Variants in TRAPPC3L observed in about 807,000 individuals in gnomAD.
TRAPPC3L encodes the protein trafficking protein particle complex subunit 3-like protein.
Under a neutral mutation model 23.7 loss-of-function variants are expected in TRAPPC3L, and 23 were observed. That is an observed-to-expected ratio of 0.97 (90% CI 0.70 to 1.37). The LOEUF (loss-of-function observed/expected upper bound fraction) is 1.37, where lower values mean the gene tolerates loss of function less well. TRAPPC3L is among the 40% of genes most tolerant of loss of function. The probability of loss-of-function intolerance (pLI) is 0.00; values close to 1 mark genes in which losing one functional copy is unlikely to be tolerated. For missense variants in TRAPPC3L, 212 were observed against 216.8 expected (o/e 0.98, Z 0.14); for synonymous variants, 81 against 77.9 (o/e 1.04, Z -0.21).
chr6:116,506,601 C>T (rs980558521), intron 3 of TRAPPC3L, among the ~76,000 whole-genome samples: 7 of 152,192 alleles, frequency 4.6e-5, no homozygotes, highest in African/African-American at 1.7e-4. Context: ...ATAGCAAAGA[C>T]TTGGAACCAA....
intron 3 of TRAPPC3L, among the ~76,000 whole-genome samples, chr6:116,527,726 T>C (rs1295884496): frequency 6.6e-6 from 1 of 152,028 alleles, no homozygotes; most frequent in African/African-American, 2.4e-5. Flanking sequence ...ACAGCAGAAA[T>C]AAAACCAATA....
intron 3 of TRAPPC3L, among the ~76,000 whole-genome samples, chr6:116,529,394 AG>A (rs1772559885): frequency 6.6e-6 from 1 of 152,184 alleles, no homozygotes; most frequent in Non-Finnish European, 1.5e-5. Context: ...TAACTAACAG[AG>A]TCACAACTGT....
intron 3 of TRAPPC3L, among the ~76,000 whole-genome samples, chr6:116,534,108 GTT>G (rs34484876): frequency 1.3e-5 from 2 of 149,996 alleles, no homozygotes; most frequent in South Asian, 2.1e-4. Context: ...TCTGTAGTGC[GTT>G]TTTTTTTTCC....
In TRAPPC3L at chr6:116,511,994, C is replaced by G; in HGVS notation, c.241-11328G>C. 6.2e-7 allele frequency: 1 copy of G among 1,614,038 alleles called. No homozygotes were observed. Among genetic ancestry groups the G allele is most frequent in the Non-Finnish European group, 8.5e-7 (1 of 1,180,000 alleles). ...CCACAGCTGCCGTTTCTTCTACGTC[C>G]TCGGCCAGATCACTCTGAGCTCATT... On this transcript the variant is annotated intron_variant, in intron 3 of 4. Transcript: ENST00000368602.
intron 3 of TRAPPC3L, among the ~76,000 whole-genome samples, chr6:116,535,133 A>C (rs186446147): frequency 6.8e-4 from 104 of 152,348 alleles, no homozygotes; most frequent in African/African-American, 2.5e-3. Context: ...AGCTACATTC[A>C]CCACACTCAG....
intron 3 of TRAPPC3L, among the ~76,000 whole-genome samples, chr6:116,527,999 A>G (rs1217927439): frequency 6.6e-6 from 1 of 152,256 alleles, no homozygotes; most frequent in East Asian, 1.9e-4. Context: ...TTTTAGTAAT[A>G]GAGCAAAAAT....
chr6:116,500,062 C>T (rs890694793), intron 4 of TRAPPC3L, among the ~76,000 whole-genome samples: 7 of 152,158 alleles, frequency 4.6e-5, no homozygotes, highest in African/African-American at 1.7e-4. Flanking sequence ...GCATAAGTGG[C>T]CATGTTGTGA....
chr6:116,543,995 G>C, intron 1 of TRAPPC3L: 1 of 845,590 alleles, frequency 1.2e-6, no homozygotes, highest in Non-Finnish European at 1.8e-6. Context: ...AGACAATTTA[G>C]GTTTGGCTTA....
At chr6:116,508,679 A>G (rs1772050587) in intron 3 of TRAPPC3L, among the ~76,000 whole-genome samples, 1 of 152,152 alleles carries the variant, frequency 6.6e-6, no homozygotes. Context: ...ACATATCCCA[A>G]ATCCTAAAAT....
intron 3 of TRAPPC3L, among the ~76,000 whole-genome samples, chr6:116,531,050 C>G (rs886622796): frequency 6.6e-5 from 10 of 151,700 alleles, no homozygotes; most frequent in Non-Finnish European, 1.2e-4. Flanking sequence ...TCCTGAGGGG[C>G]TCCCTATGAT....
chr6:116,543,484 G>GA lies in TRAPPC3L; in HGVS notation c.43-85dup, dbSNP rs914871862. On this transcript the variant is annotated intron_variant, in intron 1 of 4. Transcript: ENST00000368602. ...TTCTTTTGTTTATAAAATCTGGTTT[G>GA]AAGTAGCCTTAGAAGTCACCTGTAC... 1.4e-4 allele frequency: 163 copies of GA among 1,176,066 alleles called. No homozygotes were observed. The African/African-American group carries it at 2.3e-3, about 16-fold the overall frequency. 72.9% of individuals were successfully genotyped at this position (1,176,066 alleles called of 1,614,324 possible).
At chr6:116,516,650 AG>A (rs1772230210) in intron 3 of TRAPPC3L, 1 of 139,414 alleles carries the variant, frequency 7.2e-6, no homozygotes, top group East Asian at 2.1e-4. Flanking sequence ...CATTCAAAAT[AG>A]TAGTAACAAA....
At chr6:116,543,531 T>C (rs1773589189) in intron 1 of TRAPPC3L, 131 bp from the exon 2 acceptor site, 4 of 748,776 alleles carry the variant, frequency 5.3e-6, no homozygotes, top group Admixed American at 3.2e-5. Context: ...CCTCCTATTA[T>C]TGCAACAATT....
At chr6:116,520,375 CTT>C (rs1173003923) in intron 3 of TRAPPC3L, 2 of 152,136 alleles carry the variant, frequency 1.3e-5, no homozygotes, top group African/African-American at 4.8e-5. Flanking sequence ...ATTTTTCTCT[CTT>C]ATTTTAAATA....
chr6:116,533,255 T>C (rs1772853159), intron 3 of TRAPPC3L, among the ~76,000 whole-genome samples: 1 of 152,180 alleles, frequency 6.6e-6, no homozygotes, highest in African/African-American at 2.4e-5. Flanking sequence ...GAACATAGAT[T>C]TGGTTGCAGA....
chr6:116,538,734 C>CTT (rs531255700), intron 3 of TRAPPC3L, among the ~76,000 whole-genome samples: 2,449 of 141,140 alleles, frequency 0.017, 59 homozygotes, highest in South Asian at 0.066. Context: ...ATCTTTCTTT[C>CTT]TTTTTTTTTT....
intron 3 of TRAPPC3L, among the ~76,000 whole-genome samples, chr6:116,501,078 T>G (rs1286325189): frequency 6.6e-6 from 1 of 152,160 alleles, no homozygotes; most frequent in Non-Finnish European, 1.5e-5. Flanking sequence ...GAATTTCCCT[T>G]TCCTAGCCAA....
chr6:116,525,906 G>A (rs1379459501), intron 3 of TRAPPC3L, among the ~76,000 whole-genome samples: 1 of 152,160 alleles, frequency 6.6e-6, no homozygotes, highest in African/African-American at 2.4e-5. Flanking sequence ...AATTGCTGAT[G>A]GTTTCAACAG....
At chr6:116,526,980 T>C (rs181178658) in intron 3 of TRAPPC3L, among the ~76,000 whole-genome samples, 277 of 152,336 alleles carry the variant, frequency 1.8e-3, no homozygotes, top group Non-Finnish European at 3.1e-3. Flanking sequence ...CTGACCTTCC[T>C]GCTGTTTCTT....
Sources: allele counts gnomAD v4.1 joint callset (sites outside exome capture counted in the v4.1 genomes callset), GRCh38; gene constraint gnomAD v4.1.1; transcripts MANE v1.5; gene names NCBI Gene and HGNC (gene_info 2026-07-23, HGNC 2026-07-21).